SLC2A9: variants seen among roughly 807,000 people sequenced by gnomAD.
SLC2A9 encodes the protein solute carrier family 2, facilitated glucose transporter member 9.
SLC2A9 carries 39 observed loss-of-function variants against 50.6 expected under a neutral mutation model. That is an observed-to-expected ratio of 0.77 (90% confidence interval 0.60 to 1.01). The LOEUF (loss-of-function observed/expected upper bound fraction) is 1.01. Ranked by LOEUF, SLC2A9 falls within the 50% of genes least tolerant of loss-of-function variation. SLC2A9 has a pLI of 0.00. For missense variants in SLC2A9, 686 were observed against 677.6 expected (o/e 1.01, Z -0.14); for synonymous variants, 324 against 276.9 (o/e 1.17, Z -1.69).
chr4:9,806,843 G>A (rs1035348174), intron 3 of SLC2A9, among the ~76,000 whole-genome samples: 5 of 152,182 alleles, frequency 3.3e-5, no homozygotes, highest in African/African-American at 1.2e-4. Flanking sequence ...TCACTCAAGG[G>A]GGATATGCTT....
At chr4:9,792,163 C>CTTTTTTTTTTTTTTTTTTT (rs34289788) in intron 3 of SLC2A9, among the ~76,000 whole-genome samples, 1 of 77,224 alleles carries the variant, frequency 1.3e-5, no homozygotes, top group Non-Finnish European at 2.4e-5. Context: ...TTCTATGTTT[C>CTTTTTTTTTTTTTTTTTTT]TTTTTTTTTT....
chr4:9,990,448 T>A (rs1289973610), intron 3 of SLC2A9, among the ~76,000 whole-genome samples: 1 of 152,124 alleles, frequency 6.6e-6, no homozygotes, highest in South Asian at 2.1e-4. Flanking sequence ...GACGGGAACA[T>A]AATGAAATGA....
chr4:9,890,533 C>G, intron 9 of SLC2A9, 77 bp downstream of exon 9: 1 of 1,364,960 alleles, frequency 7.3e-7, no homozygotes, highest in Non-Finnish European at 1.0e-6. Context: ...ACCCACAAAT[C>G]AAAGGCCCCA....
chr4:9,924,767 G>GT (rs1248279779), intron 6 of SLC2A9, among the ~76,000 whole-genome samples: 2 of 147,976 alleles, frequency 1.4e-5, no homozygotes, highest in African/African-American at 4.9e-5. Context: ...CAATCACAAA[G>GT]TCACCTAAAC....
At chr4:9,906,757 T>A (rs969781731) in intron 8 of SLC2A9, among the ~76,000 whole-genome samples, 5 of 152,220 alleles carry the variant, frequency 3.3e-5, no homozygotes, top group African/African-American at 1.2e-4. Flanking sequence ...CCCCATAAGT[T>A]TCATCTCAGA....
chr4:9,965,689 C>T (rs1180747462), intron 5 of SLC2A9, among the ~76,000 whole-genome samples: 1 of 152,172 alleles, frequency 6.6e-6, no homozygotes, highest in East Asian at 1.9e-4. Flanking sequence ...AATAATTAAT[C>T]TGTATTCATT....
intron 2 of SLC2A9, among the ~76,000 whole-genome samples, chr4:10,000,821 G>A (rs1021960398): frequency 6.6e-6 from 1 of 152,048 alleles, no homozygotes; most frequent in African/African-American, 2.4e-5. Context: ...TCCTTTATCT[G>A]TTCCTCCCTA....
At chr4:9,886,884 A>G (rs898080680) in intron 10 of SLC2A9, among the ~76,000 whole-genome samples, 2 of 152,172 alleles carry the variant, frequency 1.3e-5, no homozygotes, top group Non-Finnish European at 2.9e-5. Context: ...TTGTCGTTGT[A>G]CAGATGGGGA....
At chr4:9,943,534 G>A (rs894628805) in intron 5 of SLC2A9, among the ~76,000 whole-genome samples, 2 of 152,114 alleles carry the variant, frequency 1.3e-5, no homozygotes, top group Non-Finnish European at 2.9e-5. Flanking sequence ...GCATGGGTGT[G>A]GGGTTTCATC....
chr4:10,008,999 G>A (rs1415420155), intron 2 of SLC2A9, among the ~76,000 whole-genome samples: 1 of 147,766 alleles, frequency 6.8e-6, no homozygotes, highest in Non-Finnish European at 1.5e-5. Flanking sequence ...AGCGGGGGGT[G>A]AGGGGACAAA....
Position 9,783,096 on chromosome 4 carries a change from C to T in SLC2A9, n.386-3031G>A, listed in dbSNP as rs1266445576. The T allele has an allele frequency of 3.7e-6, 6 of 1,614,116 alleles. No individual in the cohort carries two copies. In the South Asian group the frequency reaches 6.6e-5, roughly 18 times the overall value. On this transcript the variant is annotated intron_variant and non_coding_transcript_variant, in intron 3 of 3. Coordinates refer to the SLC2A9 transcript ENST00000503803. The stretch of plus-strand genomic sequence containing the variant: ...GGCTGGGCTAACTCCTCACTCAACC[C>T]CGTCATCTATGCCTTCAACGCCGAC...
chr4:9,782,190 C>A (rs772783654), intron 3 of SLC2A9: 1 of 1,607,064 alleles, frequency 6.2e-7, no homozygotes, highest in Admixed American at 1.7e-5. Context: ...ATCATCTGGA[C>A]CCTGCTGGGC....
At chr4:9,784,950 T>C (rs1441401247) in intron 3 of SLC2A9, among the ~76,000 whole-genome samples, 2 of 152,228 alleles carry the variant, frequency 1.3e-5, no homozygotes, top group Non-Finnish European at 2.9e-5. Context: ...GCTTAATAAA[T>C]ATTTGTTGAA....
chr4:9,964,833 C>T (rs1752814486), intron 5 of SLC2A9, among the ~76,000 whole-genome samples: 1 of 152,146 alleles, frequency 6.6e-6, no homozygotes, highest in Non-Finnish European at 1.5e-5. Context: ...CCTCTTGCCT[C>T]TCCATCAACA....
At chr4:9,969,266 TA>T (rs1254882109) in intron 5 of SLC2A9, among the ~76,000 whole-genome samples, 1 of 152,204 alleles carries the variant, frequency 6.6e-6, no homozygotes, top group Non-Finnish European at 1.5e-5. Flanking sequence ...ATAAAACTCT[TA>T]AAATCTTCTA....
intron 3 of SLC2A9, chr4:9,781,724 C>A (rs1718406792): frequency 6.2e-6 from 2 of 324,270 alleles, no homozygotes; most frequent in Non-Finnish European, 1.1e-5. Context: ...CAGCCGCTGC[C>A]GCTGCCGTCC....
chr4:9,910,854 T>C (rs1741615104), intron 7 of SLC2A9, among the ~76,000 whole-genome samples: 1 of 152,154 alleles, frequency 6.6e-6, no homozygotes, highest in South Asian at 2.1e-4. Flanking sequence ...TGCAGGGAAA[T>C]TGATGAAGCT....
At chr4:9,909,006 T>A (rs770086348) in intron 7 of SLC2A9, among the ~76,000 whole-genome samples, 43 of 152,152 alleles carry the variant, frequency 2.8e-4, no homozygotes, top group Non-Finnish European at 5.4e-4. Flanking sequence ...GCCATTAACC[T>A]CCATCGTAAC....
intron 2 of SLC2A9, among the ~76,000 whole-genome samples, chr4:10,012,161 T>C (rs1205926637): frequency 6.6e-6 from 1 of 152,202 alleles, no homozygotes; most frequent in Non-Finnish European, 1.5e-5. Context: ...CACAGAACAT[T>C]TGCTGGACCT....
Sources: allele counts gnomAD v4.1 joint callset (sites outside exome capture counted in the v4.1 genomes callset), GRCh38; gene constraint gnomAD v4.1.1; transcripts MANE v1.5; gene names NCBI Gene and HGNC (gene_info 2026-07-23, HGNC 2026-07-21).